The following DCAF1 variants were observed in gnomAD, a reference collection of about 807,000 sequenced individuals.
DCAF1 encodes the protein DDB1 and CUL4 associated factor 1.
DCAF1 carries 15 observed loss-of-function variants against 128.0 expected under a neutral mutation model. That is an observed-to-expected ratio of 0.12 (90% CI 0.08 to 0.18). The LOEUF (loss-of-function observed/expected upper bound fraction) is 0.18. DCAF1 is among the 10% of genes least tolerant of loss of function. The pLI is 1.00. For missense variants in DCAF1, 988 were observed against 1,649.5 expected, an observed-to-expected ratio of 0.60 and a Z score of 6.95; for synonymous variants, 610 against 603.0, an observed-to-expected ratio of 1.01 and a Z score of -0.17.
chr3:51,425,281 G>A (rs1459617511), intron 13 of DCAF1, among the ~76,000 whole-genome samples: 1 of 152,054 alleles, frequency 6.6e-6, no homozygotes, highest in East Asian at 2.0e-4. Flanking sequence ...GACCAGCCTG[G>A]CCAACATGGC....
rs553040589 is a variant in DCAF1 at position 51,443,085 on chromosome 3, T to TG, written c.513+680dup. 6.6e-5 allele frequency among the ~76,000 whole-genome samples: 10 copies of TG among 151,252 alleles called. No individual in the cohort carries two copies. The South Asian group carries it at 1.5e-3, about 22-fold the overall frequency. On this transcript the variant is annotated intron_variant, in intron 7 of 24. Transcript: ENST00000684031. ...CCCCAGAACTTAAAATAAAATTTGA[T>TG]GGGGGGGAGGGAAAAAAAAGGGCAG...
intron 24 of DCAF1, among the ~76,000 whole-genome samples, chr3:51,402,436 C>T (rs1402066873): frequency 2.0e-5 from 3 of 152,176 alleles, no homozygotes; most frequent in African/African-American, 7.2e-5. Flanking sequence ...AAGCCCACCA[C>T]CTATTTTTGC....
upstream of DCAF1, among the ~76,000 whole-genome samples, chr3:51,500,977 G>A (rs1157119258): frequency 3.3e-5 from 5 of 151,982 alleles, no homozygotes; most frequent in African/African-American, 9.7e-5. Flanking sequence ...CACCACACCC[G>A]GCTAATTTTT....
At chr3:51,471,775 G>A (rs1255191453) in intron 3 of DCAF1, among the ~76,000 whole-genome samples, 1 of 151,994 alleles carries the variant, frequency 6.6e-6, no homozygotes, top group Non-Finnish European at 1.5e-5. Flanking sequence ...GCTGAGGCAG[G>A]AGAATCACTT....
At chr3:51,482,445 A>C (rs1449115485) in intron 3 of DCAF1, among the ~76,000 whole-genome samples, 10 of 150,670 alleles carry the variant, frequency 6.6e-5, no homozygotes, top group African/African-American at 2.4e-4. Flanking sequence ...TCTCCAAAAA[A>C]ACAGAGCCAG....
At chr3:51,483,165 G>A (rs1706460044) in intron 3 of DCAF1, among the ~76,000 whole-genome samples, 2 of 135,202 alleles carry the variant, frequency 1.5e-5, no homozygotes, top group East Asian at 2.2e-4. Context: ...GCCAGGCTCA[G>A]TGGCTCACGC....
At chr3:51,417,587 G>A (rs1559485131) in intron 17 of DCAF1, among the ~76,000 whole-genome samples, 2 of 152,144 alleles carry the variant, frequency 1.3e-5, no homozygotes, top group Non-Finnish European at 1.5e-5. Context: ...AGGTGTGGTG[G>A]CGGGCGCCTC....
intron 3 of DCAF1, among the ~76,000 whole-genome samples, chr3:51,474,620 A>C (rs1234425813): frequency 6.9e-6 from 1 of 144,910 alleles, no homozygotes; most frequent in African/African-American, 2.5e-5. Flanking sequence ...TTTTTTTTTT[A>C]ATGTTTTTTT....
chr3:51,455,111 G>T (rs891934734), intron 6 of DCAF1, among the ~76,000 whole-genome samples: 10 of 152,120 alleles, frequency 6.6e-5, no homozygotes, highest in Admixed American at 6.6e-5. Flanking sequence ...ACACCTACAT[G>T]AATGTAAAGC....
At chr3:51,396,286 A>C (rs2089198490), downstream of DCAF1, 2 of 196,930 alleles carry the variant, frequency 1.0e-5, no homozygotes, top group Non-Finnish European at 2.3e-5. Flanking sequence ...TCTTCAGAGA[A>C]AGGTGTCCCA....
Position 51,420,126 on chromosome 3 carries a change from T to G in DCAF1, c.2844A>C (p.Ala948=), listed in dbSNP as rs564151769. ...GPLALPGPSY[A]GNSPLIGRIS... is the part of the protein sequence containing the mutation. The stretch of plus-strand genomic sequence containing the variant: ...TTCTACCAATCAAAGGGGAGTTGCC[T>G]GCATAAGATGGGCCGGGCAGAGCTA... The change falls in exon 15 of 25, where the codon GCA becomes GCC. Residue 948 remains alanine, a synonymous_variant. Coordinates refer to ENST00000684031, the MANE Select transcript of DCAF1 (RefSeq NM_001387579.1). This position sits in a 1 kb window ranked among gnomAD's most constrained non-coding sequence, Gnocchi z 6.5. 6.3e-5 allele frequency: 102 copies of G among 1,614,008 alleles called. No homozygotes were observed. In the South Asian group the frequency reaches 1.1e-3, roughly 17 times the overall value.
intron 3 of DCAF1, 48 bp from the exon 4 acceptor site, chr3:51,471,053 T>A (rs781973342): frequency 7.6e-7 from 1 of 1,312,292 alleles, no homozygotes. Flanking sequence ...CATAAAAAAA[T>A]GGACCACCAC....
intron 6 of DCAF1, among the ~76,000 whole-genome samples, chr3:51,457,707 C>G (rs567930407): frequency 6.6e-6 from 1 of 152,278 alleles, no homozygotes; most frequent in South Asian, 2.1e-4. Flanking sequence ...AGACTAACAG[C>G]TGATCTCTCT....
At position 51,420,671 on chromosome 3, in the gene DCAF1, G is replaced by A. The variant is rs1553632245; in HGVS notation, c.2299C>T (p.Arg767Cys). The change falls in exon 15 of 25, where the codon CGC (arginine) becomes TGC (cysteine). Residue 767 changes from arginine to cysteine, a missense_variant. This residue lies in a region of DCAF1 where 76 missense variants were observed against 186.9 expected (regional missense o/e 0.41). Transcript: ENST00000684031. This position sits in a 1 kb window ranked among gnomAD's most constrained non-coding sequence, Gnocchi z 6.5. ...LACKALVGLS[R>C]SSTVRQIISK... ...ATGATCTGCCGGACAGTGCTACTGC[G>A]AGACAGGCCCACTAGGGCTTTGCAG... 4.3e-6 allele frequency: 7 copies of A among 1,614,044 alleles called. No homozygotes were observed. Among genetic ancestry groups the A allele is most frequent in the South Asian group, 1.1e-5 (1 of 91,086 alleles).
intron 4 of DCAF1, 46 bp from the exon 5 acceptor site, chr3:51,466,922 A>T (rs1244537573): frequency 1.9e-6 from 3 of 1,590,910 alleles, no homozygotes. Context: ...TGAGTAAGTC[A>T]TCCCAGTCAA....
chr3:51,429,663 T>C (rs555656580), intron 11 of DCAF1, among the ~76,000 whole-genome samples, 193 bp from the exon 12 acceptor site: 8 of 152,186 alleles, frequency 5.3e-5, no homozygotes, highest in South Asian at 4.1e-4. Flanking sequence ...TCTATGTATA[T>C]AGCATGCTAA....
At chr3:51,435,067 C>T (rs1341798364) in intron 9 of DCAF1, among the ~76,000 whole-genome samples, 1 of 152,212 alleles carries the variant, frequency 6.6e-6, no homozygotes, top group East Asian at 1.9e-4. Flanking sequence ...AATAACCAGG[C>T]TCAGGCTAAC....
the DCAF1 span, among the ~76,000 whole-genome samples, chr3:51,505,306 A>T: frequency 1.3e-5 from 2 of 151,966 alleles, no homozygotes; most frequent in Admixed American, 6.6e-5. Flanking sequence ...ATAATTTTTT[A>T]AATTAAAAAA....
chr3:51,441,974 A>T (rs1553638948), intron 7 of DCAF1, 77 bp from the exon 8 acceptor site: 6 of 1,503,776 alleles, frequency 4.0e-6, no homozygotes, highest in Non-Finnish European at 4.4e-6. Context: ...TCTTATTTCC[A>T]CATAATAACT....
Sources: allele counts gnomAD v4.1 joint callset (sites outside exome capture counted in the v4.1 genomes callset), GRCh38; gene constraint gnomAD v4.1.1; regional missense constraint gnomAD v4.1.1; non-coding constraint Gnocchi (gnomAD v3.1); transcripts MANE v1.5; gene names NCBI Gene and HGNC (gene_info 2026-07-23, HGNC 2026-07-21).